PCDH7: variants seen among roughly 807,000 people sequenced by gnomAD.
The protein encoded by PCDH7 is protocadherin-7.
In PCDH7, 17 loss-of-function variants were observed where a neutral mutation model predicts 58.9. That is an observed-to-expected ratio of 0.29 (90% CI 0.20 to 0.43). The LOEUF is 0.43. Ranked by LOEUF, PCDH7 falls within the 20% of genes least tolerant of loss-of-function variation. The pLI, the probability that PCDH7 is intolerant of heterozygous loss-of-function variation, is 1.00. For missense variants in PCDH7, 1,274 were observed against 1,441.0 expected, an observed-to-expected ratio of 0.88 and a Z score of 1.88; for synonymous variants, 664 against 616.4, an observed-to-expected ratio of 1.08 and a Z score of -1.14.
At chr4:30,827,744 T>A (rs1729277261) in intron 1 of PCDH7, among the ~76,000 whole-genome samples, 1 of 152,122 alleles carries the variant, frequency 6.6e-6, no homozygotes. Flanking sequence ...GAGATTACTA[T>A]GTGACAGAAC....
intron 3 of PCDH7, among the ~76,000 whole-genome samples, chr4:31,116,607 T>C (rs950266716): frequency 3.9e-5 from 6 of 152,106 alleles, no homozygotes; most frequent in African/African-American, 1.4e-4. Context: ...TGGAAAAAAA[T>C]CTTACCTCAG....
At chr4:30,791,492 C>G (rs1724116893) in intron 1 of PCDH7, among the ~76,000 whole-genome samples, 1 of 152,142 alleles carries the variant, frequency 6.6e-6, no homozygotes, top group Non-Finnish European at 1.5e-5. Context: ...TGTTTCTATA[C>G]TTGACATATG....
chr4:30,952,487 G>A (rs897741777), intron 3 of PCDH7, among the ~76,000 whole-genome samples: 9 of 151,664 alleles, frequency 5.9e-5, no homozygotes, highest in African/African-American at 1.9e-4. Flanking sequence ...AAAAATCTTT[G>A]AGAAAAAAGA....
intron 2 of PCDH7, among the ~76,000 whole-genome samples, chr4:30,944,184 G>A (rs1380025387): frequency 2.0e-5 from 3 of 152,012 alleles, no homozygotes; most frequent in Non-Finnish European, 4.4e-5. Flanking sequence ...CATGCTCTGT[G>A]TCAGTGCAAC....
chr4:30,839,936 T>C lies in PCDH7; in HGVS notation c.71-80217T>C, dbSNP rs140564772. ...TACATCAGAGAAATGCCAATACTTT[T>C]TCCATTGCCAAAGCCCTTAGGCTTT... is the stretch of plus-strand genomic sequence containing the variant. On this transcript the variant is annotated intron_variant, in intron 1 of 3. Coordinates refer to the PCDH7 transcript ENST00000509759. 3.0e-3 allele frequency among the ~76,000 whole-genome samples: 459 copies of C among 152,202 alleles called. 3 individuals are homozygous for C. The highest frequency in any genetic ancestry group is 8.7e-3 in the African/African-American group (362 of 41,542).
intron 3 of PCDH7, among the ~76,000 whole-genome samples, chr4:31,005,759 A>G (rs1752722035): frequency 6.6e-6 from 1 of 152,186 alleles, no homozygotes; most frequent in Non-Finnish European, 1.5e-5. Flanking sequence ...TGTGGTCACT[A>G]TTAGCCATGT....
intron 1 of PCDH7, among the ~76,000 whole-genome samples, chr4:30,857,096 T>G (rs1733561820): frequency 6.6e-6 from 1 of 152,150 alleles, no homozygotes; most frequent in African/African-American, 2.4e-5. Context: ...TGAAATCTTT[T>G]CAAACCCACT....
chr4:30,806,459 T>C (rs1726224665), intron 1 of PCDH7, among the ~76,000 whole-genome samples: 1 of 151,980 alleles, frequency 6.6e-6, no homozygotes, highest in Middle Eastern at 3.2e-3. Flanking sequence ...CATGCCACCA[T>C]GCCTGGCTAA....
At chr4:31,052,244 C>T (rs1249158625) in intron 3 of PCDH7, among the ~76,000 whole-genome samples, 2 of 152,042 alleles carry the variant, frequency 1.3e-5, no homozygotes, top group Non-Finnish European at 2.9e-5. Context: ...ACACAATAAT[C>T]CTAGTGCCAG....
At chr4:30,972,429 T>C (rs902855885) in intron 3 of PCDH7, among the ~76,000 whole-genome samples, 13 of 152,178 alleles carry the variant, frequency 8.5e-5, no homozygotes, top group African/African-American at 3.1e-4. Context: ...TTATAAATGG[T>C]GAACCACTGT....
intron 1 of PCDH7, among the ~76,000 whole-genome samples, chr4:30,909,744 T>C (rs772856690): frequency 4.6e-5 from 7 of 152,172 alleles, no homozygotes; most frequent in Non-Finnish European, 8.8e-5. Context: ...AACATGGCCA[T>C]ACTGACCAAA....
intron 1 of PCDH7, among the ~76,000 whole-genome samples, chr4:30,902,051 G>T (rs749315311): frequency 1.7e-4 from 26 of 152,100 alleles, no homozygotes; most frequent in Non-Finnish European, 3.1e-4. Flanking sequence ...ATAAAATGCA[G>T]AATAACACGA....
intron 3 of PCDH7, among the ~76,000 whole-genome samples, chr4:30,978,909 G>A (rs1560549858): frequency 1.3e-5 from 2 of 151,888 alleles, no homozygotes; most frequent in African/African-American, 4.8e-5. Flanking sequence ...TCTTGAAGGG[G>A]GCGAGATAAA....
At chr4:30,887,471 C>A (rs1737977657) in intron 1 of PCDH7, among the ~76,000 whole-genome samples, 3 of 152,082 alleles carry the variant, frequency 2.0e-5, no homozygotes, top group African/African-American at 7.2e-5. Context: ...GTCTATAATA[C>A]AATGGACCAC....
intron 1 of PCDH7, among the ~76,000 whole-genome samples, chr4:30,851,834 A>G (rs1732796048): frequency 6.6e-6 from 1 of 152,066 alleles, no homozygotes; most frequent in African/African-American, 2.4e-5. Flanking sequence ...AATATGAGTC[A>G]GTATTGGGAT....
chr4:31,075,425 G>A (rs1424505637), intron 3 of PCDH7, among the ~76,000 whole-genome samples: 1 of 152,116 alleles, frequency 6.6e-6, no homozygotes, highest in Non-Finnish European at 1.5e-5. Flanking sequence ...ATGTCTCTTA[G>A]TCTCCTAGAG....
At chr4:30,782,611 A>G (rs918060265) in intron 1 of PCDH7, among the ~76,000 whole-genome samples, 4 of 152,238 alleles carry the variant, frequency 2.6e-5, no homozygotes, top group African/African-American at 7.2e-5. Context: ...TTTATTTAAT[A>G]TAAGTTTTCC....
intron 3 of PCDH7, among the ~76,000 whole-genome samples, chr4:30,958,178 G>C (rs1033120322): frequency 1.3e-5 from 2 of 152,124 alleles, no homozygotes; most frequent in African/African-American, 2.4e-5. Context: ...TAGTTAATTA[G>C]TAAGATAGTT....
At chr4:31,113,831 C>CTTTT (rs35105911) in intron 3 of PCDH7, among the ~76,000 whole-genome samples, 59 of 107,468 alleles carry the variant, frequency 5.5e-4, no homozygotes, top group Non-Finnish European at 7.5e-4. Context: ...GTTAACCTTT[C>CTTTT]TTTTTTTTTT....
Sources: allele counts gnomAD v4.1 joint callset (sites outside exome capture counted in the v4.1 genomes callset), GRCh38; gene constraint gnomAD v4.1.1; transcripts MANE v1.5; gene names NCBI Gene and HGNC (gene_info 2026-07-23, HGNC 2026-07-21).